Variants in ERC2 observed in about 807,000 individuals in gnomAD.
ERC2 encodes the protein ELKS/RAB6-interacting/CAST family member 2, also known as ERC protein 2.
ERC2 carries 42 observed loss-of-function variants against 114.8 expected under a neutral mutation model. That is an observed-to-expected ratio of 0.37 (90% CI 0.29 to 0.47). The LOEUF (loss-of-function observed/expected upper bound fraction) is 0.47. Among genes scored for constraint, ERC2 ranks in the 20% least tolerant of loss-of-function variants. The pLI, the probability that ERC2 is intolerant of heterozygous loss-of-function variation, is 0.99. For missense variants in ERC2, 939 were observed against 1,150.7 expected (o/e 0.82, Z 2.66); for synonymous variants, 454 against 425.5 (o/e 1.07, Z -0.82).
rs561366304 is a variant in ERC2 at position 55,517,707 on chromosome 3, A to G, written c.*40-6431T>C. Among the ~76,000 whole-genome samples, 6 of 152,314 alleles carry G rather than the reference A, an allele frequency of 3.9e-5. No individual in the cohort carries two copies. In the East Asian group the frequency reaches 1.2e-3, roughly 30 times the overall value. ...CTTCTCCCCACTGGCAGAACCAGGC[A>G]CGAGTCGGCTGGTCTTGCATATACT... On this transcript the variant is annotated intron_variant, in intron 17 of 17. Coordinates refer to ENST00000288221, the MANE Select transcript of ERC2 (RefSeq NM_015576.3).
chr3:55,698,243 G>A (rs1441914700), intron 16 of ERC2, among the ~76,000 whole-genome samples: 1 of 152,052 alleles, frequency 6.6e-6, no homozygotes, highest in African/African-American at 2.4e-5. Flanking sequence ...GTCAGGTCAA[G>A]CTCAGGGGCT....
At chr3:56,387,091 T>G (rs1336973802) in intron 2 of ERC2, among the ~76,000 whole-genome samples, 1 of 152,212 alleles carries the variant, frequency 6.6e-6, no homozygotes, top group East Asian at 1.9e-4. Flanking sequence ...AAATAGCATC[T>G]ATGTGAAGTG....
intron 7 of ERC2, among the ~76,000 whole-genome samples, chr3:56,025,585 CATAGAAA>C (rs1393964793): frequency 1.3e-5 from 2 of 152,180 alleles, no homozygotes; most frequent in Non-Finnish European, 2.9e-5. Context: ...GCATTTCTCA[CATAGAAA>C]ATCACCCTCC....
intron 13 of ERC2, among the ~76,000 whole-genome samples, chr3:55,935,404 A>G (rs1254545417): frequency 6.6e-6 from 1 of 152,212 alleles, no homozygotes; most frequent in Non-Finnish European, 1.5e-5. Context: ...GTGCTTACAC[A>G]GGTTTAGTGT....
At chr3:56,287,512 C>T (rs185468513) in intron 3 of ERC2, among the ~76,000 whole-genome samples, 2 of 152,302 alleles carry the variant, frequency 1.3e-5, no homozygotes, top group East Asian at 3.9e-4. Context: ...GTTTAATCTT[C>T]CCGCTGCTCT....
chr3:56,228,718 G>T (rs2050410669), intron 3 of ERC2, among the ~76,000 whole-genome samples: 1 of 151,970 alleles, frequency 6.6e-6, no homozygotes, highest in Non-Finnish European at 1.5e-5. Context: ...GTACCCAGAG[G>T]GTATAAAAAT....
intron 15 of ERC2, among the ~76,000 whole-genome samples, chr3:55,713,050 T>A (rs952357428): frequency 6.6e-6 from 1 of 151,608 alleles, no homozygotes; most frequent in Non-Finnish European, 1.5e-5. Context: ...AATGCTCTAA[T>A]TTACAATTGA....
At chr3:55,976,367 CCT>C (rs2149493496) in intron 12 of ERC2, among the ~76,000 whole-genome samples, 1 of 152,302 alleles carries the variant, frequency 6.6e-6, no homozygotes, top group East Asian at 1.9e-4. Context: ...CCTTTCACCC[CCT>C]GTTGACTTGG....
intron 2 of ERC2, among the ~76,000 whole-genome samples, chr3:56,408,527 T>G (rs2060815294): frequency 6.6e-6 from 1 of 152,064 alleles, no homozygotes; most frequent in Non-Finnish European, 1.5e-5. Context: ...ACACACACAA[T>G]TACGCTTCGT....
At chr3:56,394,957 T>C (rs750685072) in intron 2 of ERC2, among the ~76,000 whole-genome samples, 1 of 151,706 alleles carries the variant, frequency 6.6e-6, no homozygotes, top group Non-Finnish European at 1.5e-5. Context: ...GGTATATCCA[T>C]ACAACGGAAT....
rs939921657 is a variant in ERC2, at chr3:55,673,199, G to C, written c.*39+10595C>G. ...GCCCAAATCATGTTTCGGATCAGCTGGGGGAAACACTGTTAGCCCTGCAAG... is the reference window on the plus strand; with the variant it reads ...GCCCAAATCATGTTTCGGATCAGCTCGGGGAAACACTGTTAGCCCTGCAAG... On this transcript the variant is annotated intron_variant, in intron 17 of 17. Transcript: ENST00000288221. Among the ~76,000 whole-genome samples the C allele has an allele frequency of 2.0e-5, 3 of 152,234 alleles. No individual in the cohort carries two copies. In the Middle Eastern group the frequency reaches 0.01, roughly 518 times the overall value.
chr3:56,226,576 T>C lies in ERC2; in HGVS notation c.1075-53056A>G, dbSNP rs2050261573. On this transcript the variant is annotated intron_variant, in intron 3 of 17. Coordinates refer to ENST00000288221, the MANE Select transcript of ERC2 (RefSeq NM_015576.3). ...CTCTCTCTGTCTCTCTCTCTATATA[T>C]ATACATAAAAAGACAGGAAAGAGAT... 2.0e-5 allele frequency among the ~76,000 whole-genome samples: 3 copies of C among 152,004 alleles called. 1 individual carries two copies. The South Asian group carries it at 6.2e-4, about 31-fold the overall frequency.
At chr3:56,217,244 T>G (rs933160521) in intron 3 of ERC2, among the ~76,000 whole-genome samples, 1 of 152,188 alleles carries the variant, frequency 6.6e-6, no homozygotes, top group Non-Finnish European at 1.5e-5. Context: ...GAAAACCCCA[T>G]TGTCTCAGCC....
At chr3:55,808,263 C>A (rs2059567032) in intron 14 of ERC2, among the ~76,000 whole-genome samples, 1 of 152,092 alleles carries the variant, frequency 6.6e-6, no homozygotes, top group Non-Finnish European at 1.5e-5. Context: ...AGTAGAATTT[C>A]TTGTGGGCCT....
At chr3:56,289,672 C>T (rs1405053361) in intron 3 of ERC2, among the ~76,000 whole-genome samples, 2 of 152,198 alleles carry the variant, frequency 1.3e-5, no homozygotes. Flanking sequence ...ATCATGCTTT[C>T]CCACCAACCC....
intron 6 of ERC2, among the ~76,000 whole-genome samples, chr3:56,095,756 C>T (rs760657082): frequency 2.7e-4 from 41 of 152,148 alleles, no homozygotes; most frequent in Non-Finnish European, 2.2e-4. Context: ...TGATTGCCTG[C>T]ATTTCTAGTT....
chr3:55,947,550 T>A lies in ERC2; in HGVS notation c.2403+2875A>T, dbSNP rs182407238. Among the ~76,000 whole-genome samples, 27 of 151,162 alleles carry A rather than the reference T, an allele frequency of 1.8e-4. No individual in the cohort carries two copies. The East Asian group carries it at 4.6e-3, about 26-fold the overall frequency. Reference sequence around the variant, plus strand: ...AGAGTAGGCCTTATGAGGCCTAGTATGTTTTTGCTCATTCTCTTGTGCTTC... The same window carrying A: ...AGAGTAGGCCTTATGAGGCCTAGTAAGTTTTTGCTCATTCTCTTGTGCTTC... On this transcript the variant is annotated intron_variant, in intron 13 of 17. Coordinates refer to ENST00000288221, the MANE Select transcript of ERC2 (RefSeq NM_015576.3).
At chr3:55,957,214 T>C (rs1314170872) in intron 12 of ERC2, among the ~76,000 whole-genome samples, 1 of 152,184 alleles carries the variant, frequency 6.6e-6, no homozygotes, top group Non-Finnish European at 1.5e-5. Context: ...CAGGAAGATG[T>C]TCCTATTCCT....
rs1559692271 is a variant in ERC2, at chr3:55,583,397, T to TC, written c.*40-72122dup. ...TTCTTTCCTTCTTTCTTTCCTTCCT[T>TC]CTTTCCTTCCTTCCTTCCTTCCTTC... On this transcript the variant is annotated intron_variant, in intron 17 of 17. Coordinates refer to ENST00000288221, the MANE Select transcript of ERC2 (RefSeq NM_015576.3). 1.1e-3 allele frequency among the ~76,000 whole-genome samples: 135 copies of TC among 125,060 alleles called. 1 individual carries two copies. Among genetic ancestry groups the TC allele is most frequent in the African/African-American group, 3.9e-3 (94 of 24,348 alleles). 82.0% of individuals were successfully genotyped at this position (125,060 alleles called of 152,430 possible). A position where few individuals can be genotyped will look rare whatever the true frequency, so the allele number is the denominator to read the frequency against.
Sources: gnomAD v4.1 joint callset for allele counts (sites outside exome capture counted in the v4.1 genomes callset) on GRCh38, gnomAD v4.1.1 for gene constraint, MANE v1.5 for transcripts, NCBI Gene and HGNC (gene_info 2026-07-23, HGNC 2026-07-21) for gene names.